SPIDR: variants seen among roughly 807,000 people sequenced by gnomAD.
The protein encoded by SPIDR is DNA repair-scaffolding protein.
Under a neutral mutation model 104.6 loss-of-function variants are expected in SPIDR, and 93 were observed. The observed-to-expected ratio is 0.89, with a 90% confidence interval of 0.75 to 1.06. SPIDR has a LOEUF of 1.06. Among genes scored for constraint, SPIDR ranks in the 50% least tolerant of loss-of-function variants. The probability of loss-of-function intolerance (pLI) is 0.00; values close to 1 mark genes in which losing one functional copy is unlikely to be tolerated. For missense variants in SPIDR, 1,154 were observed against 1,111.2 expected, an observed-to-expected ratio of 1.04 and a Z score of -0.55; for synonymous variants, 431 against 416.9, an observed-to-expected ratio of 1.03 and a Z score of -0.41.
chr8:47,461,113 C>A (rs1480766154), intron 8 of SPIDR, among the ~76,000 whole-genome samples: 1 of 152,160 alleles, frequency 6.6e-6, no homozygotes, highest in Non-Finnish European at 1.5e-5. Flanking sequence ...ACTTAGATAA[C>A]CTGATGACAG....
In SPIDR at chr8:47,407,952, A is replaced by G; in HGVS notation, c.868A>G (p.Thr290Ala). The change falls in exon 7 of 20, where the codon ACA becomes GCA. Residue 290 changes from threonine (T) to alanine (A), a missense_variant. Transcript: ENST00000297423. Reference sequence around the variant, plus strand: ...ACATCAATGTATTTCTTACCAAAAGACACTTTCAGGTAAGGCTTGTGCAGG... The same window carrying G: ...ACATCAATGTATTTCTTACCAAAAGGCACTTTCAGGTAAGGCTTGTGCAGG... ...WRHQCISYQK[T>A]LSGRKSGVLT... is the part of the protein sequence containing the mutation. The G allele has an allele frequency of 6.3e-7, 1 of 1,576,836 alleles. No homozygotes were observed. Among genetic ancestry groups the G allele is most frequent in the Non-Finnish European group, 8.7e-7 (1 of 1,155,392 alleles).
intron 5 of SPIDR, among the ~76,000 whole-genome samples, chr8:47,364,659 C>T (rs1261733095): frequency 6.6e-6 from 1 of 152,102 alleles, no homozygotes; most frequent in Non-Finnish European, 1.5e-5. Flanking sequence ...TGCAGCAAAT[C>T]TTACTATGAT....
Position 47,547,267 on chromosome 8 carries a change from A to G in SPIDR, c.1098-48544A>G, listed in dbSNP as rs563965391. On this transcript the variant is annotated intron_variant, in intron 8 of 19. Transcript: ENST00000297423. ...CTCAGGTGTAACACGATGTACAGCA[A>G]AGCAACCCTTGGTGTCATAGATGAG... 2.0e-4 allele frequency: 121 copies of G among 602,090 alleles called. No homozygotes were observed. In the East Asian group the frequency reaches 2.3e-3, roughly 11 times the overall value. The allele number at this position is 602,090 out of a possible 1,614,324, so 37.3% of individuals were successfully genotyped here.
At chr8:47,531,471 T>C (rs1026327031) in intron 8 of SPIDR, among the ~76,000 whole-genome samples, 1 of 152,220 alleles carries the variant, frequency 6.6e-6, no homozygotes, top group Non-Finnish European at 1.5e-5. Context: ...GTTTGTTGCT[T>C]TATCATCATA....
intron 10 of SPIDR, among the ~76,000 whole-genome samples, chr8:47,627,933 G>A (rs181252796): frequency 1.3e-5 from 2 of 152,320 alleles, no homozygotes; most frequent in Admixed American, 1.3e-4. Context: ...CTGCCTGGTA[G>A]TGCACAGGTC....
intron 5 of SPIDR, among the ~76,000 whole-genome samples, chr8:47,310,714 A>G (rs1259840405): frequency 6.6e-6 from 1 of 152,216 alleles, no homozygotes; most frequent in Non-Finnish European, 1.5e-5. Flanking sequence ...GTGAGTATAA[A>G]GTAGTCTTTC....
intron 5 of SPIDR, chr8:47,360,737 A>G: frequency 1.6e-6 from 1 of 642,958 alleles, no homozygotes; most frequent in Non-Finnish European, 1.9e-6. Flanking sequence ...GCTAGTTCAA[A>G]TGAAAAACAA....
intron 10 of SPIDR, among the ~76,000 whole-genome samples, chr8:47,657,286 A>G (rs553333895): frequency 1.3e-5 from 2 of 149,916 alleles, no homozygotes; most frequent in South Asian, 4.2e-4. Flanking sequence ...TGTGCTGAGG[A>G]AAAAAAAAAT....
chr8:47,565,993 T>TA (rs1491137131), intron 8 of SPIDR, among the ~76,000 whole-genome samples: 51 of 28,706 alleles, frequency 1.8e-3, no homozygotes, highest in East Asian at 2.9e-3. Context: ...TATATATATA[T>TA]TTTTTTTTTT....
chr8:47,657,787 T>C (rs1357233261), intron 10 of SPIDR, among the ~76,000 whole-genome samples: 1 of 152,200 alleles, frequency 6.6e-6, no homozygotes, highest in East Asian at 1.9e-4. Flanking sequence ...CCCAGCACTT[T>C]GGGAAGCCAA....
At position 47,617,099 on chromosome 8, in the gene SPIDR, A is replaced by G. The variant is rs140146015; in HGVS notation, c.1544+17903A>G. Among the ~76,000 whole-genome samples the G allele has an allele frequency of 1.7e-4, 26 of 152,158 alleles. 1 individual carries two copies. Among genetic ancestry groups the G allele is most frequent in the African/African-American group, 6.0e-4 (25 of 41,498 alleles). On this transcript the variant is annotated intron_variant, in intron 10 of 19. Transcript: ENST00000297423. ...AAAAAGATTGCCTACATAAAATTCC[A>G]TTTTCATTACATCCTATCAAAGGTA...
intron 10 of SPIDR, among the ~76,000 whole-genome samples, chr8:47,629,052 A>C (rs1022819813): frequency 2.6e-5 from 4 of 152,234 alleles, no homozygotes; most frequent in Non-Finnish European, 5.9e-5. Flanking sequence ...TAAGGGTCAC[A>C]GCAGCTGTTT....
chr8:47,727,335 G>A (rs764727065), intron 17 of SPIDR, 42 bp downstream of exon 17: 5 of 1,589,618 alleles, frequency 3.1e-6, no homozygotes, highest in East Asian at 4.5e-5. Flanking sequence ...AGAACTGAAA[G>A]GGCACAGAAG....
intron 8 of SPIDR, among the ~76,000 whole-genome samples, chr8:47,471,860 T>C (rs2075758226): frequency 6.6e-6 from 1 of 152,250 alleles, no homozygotes; most frequent in African/African-American, 2.4e-5. Context: ...ATAAAATATT[T>C]AGTAAAACTT....
rs1402540195 is a variant in SPIDR at position 47,735,613 on chromosome 8, T to G, written c.*163T>G. On this transcript the variant is annotated 3_prime_UTR_variant, in exon 20 of 20. Coordinates refer to ENST00000297423, the MANE Select transcript of SPIDR (RefSeq NM_001080394.4). ...GGGGAAATGTTCAGATACAGTTTTG[T>G]GAACTGTAAATCAAAATACCTTTTT... 1.5e-6 allele frequency: 2 copies of G among 1,365,354 alleles called. No individual in the cohort carries two copies. Among genetic ancestry groups the G allele is most frequent in the Non-Finnish European group, 2.0e-6 (2 of 1,018,984 alleles). 84.6% of individuals were successfully genotyped at this position (1,365,354 alleles called of 1,614,324 possible). A position where few individuals can be genotyped will look rare whatever the true frequency, so the allele number is the denominator to read the frequency against.
intron 5 of SPIDR, 52 bp downstream of exon 5, chr8:47,294,082 C>T (rs2040403449): frequency 3.9e-6 from 6 of 1,539,530 alleles, no homozygotes; most frequent in Non-Finnish European, 5.2e-6. Flanking sequence ...ATTTGCTAAT[C>T]ATAGTTGTCA....
At chr8:47,653,906 G>C (rs2072179802) in intron 10 of SPIDR, 2 of 919,364 alleles carry the variant, frequency 2.2e-6, no homozygotes, top group Admixed American at 6.2e-5. Context: ...AAAGGAAAAA[G>C]AATTGTTTAC....
intron 8 of SPIDR, among the ~76,000 whole-genome samples, chr8:47,516,732 C>A (rs1024931545): frequency 6.6e-6 from 1 of 152,106 alleles, no homozygotes; most frequent in Non-Finnish European, 1.5e-5. Flanking sequence ...AATAATGCTT[C>A]TGTGAACATA....
intron 18 of SPIDR, 50 bp downstream of exon 18, chr8:47,729,097 G>A (rs2084781574): frequency 2.5e-6 from 4 of 1,600,904 alleles, no homozygotes; most frequent in Non-Finnish European, 3.4e-6. Context: ...CTCCAACATA[G>A]CGAAGGTGAG....
Sources: allele counts gnomAD v4.1 joint callset (sites outside exome capture counted in the v4.1 genomes callset), GRCh38; gene constraint gnomAD v4.1.1; transcripts MANE v1.5; gene names NCBI Gene and HGNC (gene_info 2026-07-23, HGNC 2026-07-21).